The following NGF variants were observed in gnomAD, a reference collection of about 807,000 sequenced individuals.
The protein encoded by NGF is nerve growth factor, also known as beta-nerve growth factor.
NGF carries 4 observed loss-of-function variants against 12.8 expected under a neutral mutation model. The ratio of observed to expected loss-of-function variants is 0.31; its 90% confidence interval spans 0.15 to 0.72. The LOEUF (loss-of-function observed/expected upper bound fraction) is 0.72, where lower values mean the gene tolerates loss of function less well. Ranked by LOEUF, NGF falls within the 30% of genes least tolerant of loss-of-function variation. The pLI is 0.69. For missense variants in NGF, 283 were observed against 330.8 expected (o/e 0.86, Z 1.12); for synonymous variants, 140 against 130.0 (o/e 1.08, Z -0.52).
At position 115,333,719 on chromosome 1, in the gene NGF, TTTCTTTCCTTCTTTCTTTC is replaced by T. The variant is rs1571101285; in HGVS notation, c.-137+4466_-137+4484del. On this transcript the variant is annotated intron_variant, in intron 1 of 2. Coordinates refer to ENST00000369512, the MANE Select transcript of NGF (RefSeq NM_002506.3). ...TTTCTTTCTTTCTTTCTTTCTTTTC[TTTCTTTCCTTCTTTCTTTC>T]TTTCTTCCTTCCTCCCTCCCCCCTC... Among the ~76,000 whole-genome samples, 6 of 128,708 alleles carry T rather than the reference TTTCTTTCCTTCTTTCTTTC, an allele frequency of 4.7e-5. No homozygotes were observed. The East Asian group carries it at 1.7e-3, about 35-fold the overall frequency. 84.4% of individuals were successfully genotyped at this position (128,708 alleles called of 152,430 possible).
At position 115,292,445 on chromosome 1, in the gene NGF, A is replaced by G. The variant is rs556167804; in HGVS notation, c.-13+1182T>C. 6.0e-4 allele frequency among the ~76,000 whole-genome samples: 92 copies of G among 152,292 alleles called. No homozygotes were observed. The South Asian group carries it at 6.8e-3, about 11-fold the overall frequency. ...TAGGTCTGGTAGGAGGACACTAAGA[A>G]TCTACATTTCTAGTAAGTTTCCAGA... is the stretch of plus-strand genomic sequence containing the variant. On this transcript the variant is annotated intron_variant, in intron 2 of 2. Transcript: ENST00000369512.
At chr1:115,328,309 T>C (rs1023828842) in intron 1 of NGF, among the ~76,000 whole-genome samples, 3 of 152,098 alleles carry the variant, frequency 2.0e-5, no homozygotes, top group Admixed American at 1.3e-4. Context: ...CTCAAGAAAA[T>C]TGGGACATGT....
chr1:115,324,535 C>T (rs891029813), intron 1 of NGF, among the ~76,000 whole-genome samples: 3 of 152,136 alleles, frequency 2.0e-5, no homozygotes, highest in Admixed American at 6.5e-5. Flanking sequence ...CCCTGCTTCT[C>T]TCCTACTCAC....
At chr1:115,331,574 G>T (rs1403170197) in intron 1 of NGF, among the ~76,000 whole-genome samples, 1 of 152,224 alleles carries the variant, frequency 6.6e-6, no homozygotes, top group Non-Finnish European at 1.5e-5. Context: ...GGAAAGTGAA[G>T]AAATTTCAGA....
chr1:115,311,091 G>T (rs1654324236), intron 1 of NGF, among the ~76,000 whole-genome samples: 1 of 152,176 alleles, frequency 6.6e-6, no homozygotes, highest in South Asian at 2.1e-4. Flanking sequence ...AGCCACATAG[G>T]CTAGAAAGAA....
intron 1 of NGF, among the ~76,000 whole-genome samples, chr1:115,314,233 C>T (rs1654411199): frequency 6.6e-6 from 1 of 152,126 alleles, no homozygotes; most frequent in South Asian, 2.1e-4. Context: ...GACTCTGTGA[C>T]CTTTTGGCTT....
intron 1 of NGF, among the ~76,000 whole-genome samples, chr1:115,313,956 T>C (rs1654402800): frequency 6.6e-6 from 1 of 152,110 alleles, no homozygotes; most frequent in Non-Finnish European, 1.5e-5. Flanking sequence ...CTGAACTCCT[T>C]CCAAAAGAGC....
Position 115,310,898 on chromosome 1 carries a change from C to A in NGF, c.-136-17148G>T, listed in dbSNP as rs1354626665. ...GAGGGGTCATGGGAGGAGTAACAGG[C>A]GGAGTGGGAGGAGGAGGAGGAAGGG... On this transcript the variant is annotated intron_variant, in intron 1 of 2. Transcript: ENST00000369512. Among the ~76,000 whole-genome samples the A allele has an allele frequency of 2.0e-5, 3 of 152,002 alleles. No individual in the cohort carries two copies. In the East Asian group the frequency reaches 5.8e-4, roughly 29 times the overall value.
At chr1:115,334,090 AC>A (rs1165307280) in intron 1 of NGF, among the ~76,000 whole-genome samples, 4 of 152,200 alleles carry the variant, frequency 2.6e-5, no homozygotes. Flanking sequence ...TTGAGAATAA[AC>A]CCAGTGCCAC....
chr1:115,333,693 CTTT>C (rs1655005138), intron 1 of NGF, among the ~76,000 whole-genome samples: 1 of 63,088 alleles, frequency 1.6e-5, no homozygotes, highest in African/African-American at 1.2e-4. Flanking sequence ...TTCTTTCTTT[CTTT>C]CTTTCTTTCT....
At chr1:115,321,359 T>C (rs1654618786) in intron 1 of NGF, among the ~76,000 whole-genome samples, 1 of 152,188 alleles carries the variant, frequency 6.6e-6, no homozygotes, top group Non-Finnish European at 1.5e-5. Context: ...GGGCTGTTAC[T>C]AACACTGTGA....
chr1:115,304,952 GT>G (rs1654157935), intron 1 of NGF, among the ~76,000 whole-genome samples: 1 of 152,178 alleles, frequency 6.6e-6, no homozygotes, highest in East Asian at 1.9e-4. Context: ...GTGAGTTTGA[GT>G]TTGGGTTTGT....
chr1:115,301,906 A>C (rs989854170), intron 1 of NGF, among the ~76,000 whole-genome samples: 4 of 152,230 alleles, frequency 2.6e-5, no homozygotes, highest in African/African-American at 9.6e-5. Flanking sequence ...GCTGCCTTGC[A>C]GAAAAAGTGA....
intron 2 of NGF, among the ~76,000 whole-genome samples, chr1:115,287,171 C>G (rs1571070661): frequency 6.6e-6 from 1 of 152,144 alleles, no homozygotes; most frequent in South Asian, 2.1e-4. Context: ...ATGTGTGTAC[C>G]AGGGAGGCCG....
chr1:115,292,815 G>A (rs1043654391), intron 2 of NGF, among the ~76,000 whole-genome samples: 2 of 152,110 alleles, frequency 1.3e-5, no homozygotes, highest in African/African-American at 4.8e-5. Flanking sequence ...ATATTGAATT[G>A]TTTTCATATC....
At chr1:115,286,896 A>G (rs1359948271) in intron 2 of NGF, 89 bp from the exon 3 acceptor site, 3 of 1,497,496 alleles carry the variant, frequency 2.0e-6, no homozygotes, top group African/African-American at 1.4e-5. Flanking sequence ...TGACCTCCCA[A>G]GGGGATCACG....
Position 115,286,654 on chromosome 1 carries a change from G to A in NGF, c.142C>T (p.Leu48Phe), listed in dbSNP as rs779240755. The A allele has an allele frequency of 1.1e-5, 18 of 1,614,136 alleles. No individual in the cohort carries two copies. Among genetic ancestry groups the A allele is most frequent in the Non-Finnish European group, 9.3e-6 (11 of 1,180,058 alleles). ...TKLQHSLDTALRRARSAPAAA... is the reference protein window; with the variant it reads ...TKLQHSLDTAFRRARSAPAAA... ...GCCGGGGCGCTGCGGGCTCTGCGAA[G>A]GGCAGTGTCAAGGGAATGCTGAAGT... The change falls in exon 3 of 3, where the codon CTT becomes TTT. Residue 48 changes from leucine (L) to phenylalanine (F), a missense_variant. Around this residue, in one of 2 missense-constraint regions of NGF, gnomAD observed 151 missense variants for 141.6 expected, o/e 1.07. Transcript: ENST00000369512.
intron 1 of NGF, among the ~76,000 whole-genome samples, chr1:115,301,419 A>C (rs11466089): frequency 0.014 from 2,131 of 152,340 alleles, 50 homozygotes; most frequent in African/African-American, 0.049. Flanking sequence ...CATTTAGCAC[A>C]GTGCCTGGCA....
At chr1:115,329,737 T>C (rs1421306114) in intron 1 of NGF, among the ~76,000 whole-genome samples, 1 of 147,620 alleles carries the variant, frequency 6.8e-6, no homozygotes, top group African/African-American at 2.5e-5. Context: ...TTCTTTTTTC[T>C]TTCTTTCTTT....
Sources: gnomAD v4.1 joint callset for allele counts (sites outside exome capture counted in the v4.1 genomes callset) on GRCh38, gnomAD v4.1.1 for gene constraint, gnomAD v4.1.1 regional missense constraint, MANE v1.5 for transcripts, NCBI Gene and HGNC (gene_info 2026-07-23, HGNC 2026-07-21) for gene names.